The following FAR2 variants were observed in gnomAD, a reference collection of about 807,000 sequenced individuals.
The protein encoded by FAR2 is fatty acyl-CoA reductase 2.
Under a neutral mutation model 56.0 loss-of-function variants are expected in FAR2, and 19 were observed. That is an observed-to-expected ratio of 0.34 (90% CI 0.24 to 0.50). The LOEUF is 0.50. FAR2 is among the 20% of genes least tolerant of loss of function. The pLI is 0.98. For missense variants in FAR2, 508 were observed against 642.2 expected (o/e 0.79, Z 2.26); for synonymous variants, 219 against 218.8 (o/e 1.00, Z -0.01).
At chr12:29,323,731 C>A (rs1183241448) in intron 10 of FAR2, among the ~76,000 whole-genome samples, 1 of 151,926 alleles carries the variant, frequency 6.6e-6, no homozygotes, top group Non-Finnish European at 1.5e-5. Flanking sequence ...GACATCCACA[C>A]CAAAAACCCA....
chr12:29,297,996 G>A (rs551751463), intron 4 of FAR2, among the ~76,000 whole-genome samples: 8 of 147,650 alleles, frequency 5.4e-5, no homozygotes, highest in African/African-American at 1.3e-4. Flanking sequence ...AGATTGTGCC[G>A]TTGCACTCCA....
intron 2 of FAR2, among the ~76,000 whole-genome samples, chr12:29,274,001 A>C (rs1948662191): frequency 6.6e-6 from 1 of 150,516 alleles, no homozygotes; most frequent in Non-Finnish European, 1.5e-5. Context: ...AACCTGGATA[A>C]CTCTGTTGCT....
chr12:29,207,567 C>G (rs924969732), intron 1 of FAR2, among the ~76,000 whole-genome samples: 1 of 152,172 alleles, frequency 6.6e-6, no homozygotes, highest in African/African-American at 2.4e-5. Flanking sequence ...CATTTACTTG[C>G]TACTATGGTT....
intron 4 of FAR2, among the ~76,000 whole-genome samples, chr12:29,307,067 G>A (rs562477343): frequency 1.2e-4 from 18 of 152,088 alleles, no homozygotes; most frequent in African/African-American, 3.6e-4. Flanking sequence ...GATTTTTATC[G>A]GACAACACTG....
chr12:29,149,810 G>T (rs1438318402), intron 1 of FAR2, among the ~76,000 whole-genome samples: 1 of 152,200 alleles, frequency 6.6e-6, no homozygotes, highest in Admixed American at 6.5e-5. Flanking sequence ...CTGGGCCCTT[G>T]GGGCTATTCC....
At chr12:29,158,586 T>C (rs1207476391) in intron 1 of FAR2, among the ~76,000 whole-genome samples, 1 of 152,260 alleles carries the variant, frequency 6.6e-6, no homozygotes, top group African/African-American at 2.4e-5. Flanking sequence ...GCTGAATGCA[T>C]TGCTGATCAC....
At chr12:29,265,426 A>C (rs1411028007) in intron 1 of FAR2, among the ~76,000 whole-genome samples, 1 of 152,198 alleles carries the variant, frequency 6.6e-6, no homozygotes, top group Non-Finnish European at 1.5e-5. Flanking sequence ...TACATTGGGG[A>C]AAGGACAATC....
At chr12:29,246,591 C>T (rs898595269) in intron 1 of FAR2, among the ~76,000 whole-genome samples, 11 of 152,106 alleles carry the variant, frequency 7.2e-5, no homozygotes, top group African/African-American at 2.4e-4. Flanking sequence ...TAAATTGCAT[C>T]AGCATATAAA....
chr12:29,266,321 T>C (rs1013403713), intron 1 of FAR2, among the ~76,000 whole-genome samples: 2 of 152,142 alleles, frequency 1.3e-5, no homozygotes, highest in Non-Finnish European at 2.9e-5. Flanking sequence ...GGAGTACTAT[T>C]CAGCCATAAA....
chr12:29,186,130 C>G (rs1222950973), intron 1 of FAR2, among the ~76,000 whole-genome samples: 1 of 152,186 alleles, frequency 6.6e-6, no homozygotes, highest in African/African-American at 2.4e-5. Context: ...AAACCTTTAT[C>G]ATTTCAATAT....
At chr12:29,209,392 C>T (rs1055267285) in intron 1 of FAR2, among the ~76,000 whole-genome samples, 5 of 152,322 alleles carry the variant, frequency 3.3e-5, no homozygotes, top group Middle Eastern at 3.4e-3. Flanking sequence ...CTATCTTGGG[C>T]TCCAAGTCTT....
At chr12:29,295,008 C>A (rs748414103) in intron 3 of FAR2, among the ~76,000 whole-genome samples, 92 of 152,138 alleles carry the variant, frequency 6.0e-4, no homozygotes, top group Admixed American at 6.0e-3. Context: ...CAGGCTTTCA[C>A]TTCCAGTACT....
intron 1 of FAR2, among the ~76,000 whole-genome samples, chr12:29,195,197 G>C (rs776870172): frequency 1.9e-4 from 29 of 152,060 alleles, no homozygotes; most frequent in Non-Finnish European, 3.8e-4. Flanking sequence ...CTTTAAACTG[G>C]GTGTCAATAC....
intron 1 of FAR2, among the ~76,000 whole-genome samples, chr12:29,163,862 C>T (rs989039793): frequency 1.6e-4 from 24 of 152,132 alleles, no homozygotes; most frequent in African/African-American, 5.8e-4. Context: ...GAAACAGGAG[C>T]CCTATTGCCT....
intron 1 of FAR2, among the ~76,000 whole-genome samples, chr12:29,267,096 G>A (rs543409089): frequency 6.6e-6 from 1 of 152,182 alleles, no homozygotes; most frequent in East Asian, 1.9e-4. Context: ...TAAAGAAATA[G>A]GCAAAATTTA....
chr12:29,240,039 A>G (rs1473676760), intron 1 of FAR2, among the ~76,000 whole-genome samples: 1 of 152,174 alleles, frequency 6.6e-6, no homozygotes, highest in African/African-American at 2.4e-5. Flanking sequence ...TCTAGCCTTC[A>G]CATCTTCCAT....
chr12:29,325,375 GA>G (rs572981049), intron 10 of FAR2, among the ~76,000 whole-genome samples: 110 of 152,216 alleles, frequency 7.2e-4, no homozygotes, highest in Middle Eastern at 6.8e-3. Context: ...TCCAGGAATT[GA>G]ACTCAGCTCT....
chr12:29,245,945 T>C (rs1237504592), intron 1 of FAR2, among the ~76,000 whole-genome samples: 1 of 152,120 alleles, frequency 6.6e-6, no homozygotes, highest in Non-Finnish European at 1.5e-5. Flanking sequence ...ACAAATGATT[T>C]ACTATTCATC....
intron 1 of FAR2, among the ~76,000 whole-genome samples, chr12:29,232,231 A>G (rs1039120559): frequency 6.6e-6 from 1 of 152,170 alleles, no homozygotes; most frequent in African/African-American, 2.4e-5. Context: ...CAGCCTGTGC[A>G]TATCGTCAGC....
Sources: allele counts gnomAD v4.1 joint callset (sites outside exome capture counted in the v4.1 genomes callset), GRCh38; gene constraint gnomAD v4.1.1; transcripts MANE v1.5; gene names NCBI Gene and HGNC (gene_info 2026-07-23, HGNC 2026-07-21).